Variants in SLC26A8 observed in about 807,000 individuals in gnomAD.
SLC26A8 encodes the protein solute carrier family 26 member 8.
A neutral mutation model predicts 105.0 loss-of-function variants in SLC26A8; 70 were observed. The observed-to-expected ratio is 0.67, with a 90% CI of 0.55 to 0.81. The LOEUF is 0.81. Ranked by LOEUF, SLC26A8 falls within the 40% of genes least tolerant of loss-of-function variation. SLC26A8 has a pLI of 0.00. For missense variants in SLC26A8, 998 were observed against 1,181.8 expected (o/e 0.84, Z 2.28); for synonymous variants, 415 against 438.3 (o/e 0.95, Z 0.66).
At chr6:36,020,414 C>G (rs1023346770) in intron 1 of SLC26A8, among the ~76,000 whole-genome samples, 1 of 152,130 alleles carries the variant, frequency 6.6e-6, no homozygotes, top group Non-Finnish European at 1.5e-5. Flanking sequence ...TATAGAAGTT[C>G]AAGACTAGAC....
chr6:35,992,315 C>G (rs931378351), intron 6 of SLC26A8, among the ~76,000 whole-genome samples, 195 bp downstream of exon 6: 5 of 152,164 alleles, frequency 3.3e-5, no homozygotes, highest in Non-Finnish European at 2.9e-5. Flanking sequence ...AAAGCATGGT[C>G]TAACTGGCAT....
intron 11 of SLC26A8, 112 bp from the exon 12 acceptor site, chr6:35,962,733 T>G: frequency 1.2e-6 from 1 of 853,120 alleles, no homozygotes; most frequent in Non-Finnish European, 1.9e-6. Context: ...TATTTTGCAT[T>G]GATATTTTAT....
chr6:36,021,970 A>G (rs1562080424), intron 1 of SLC26A8, among the ~76,000 whole-genome samples: 1 of 149,328 alleles, frequency 6.7e-6, no homozygotes, highest in Non-Finnish European at 1.5e-5. Context: ...CGCCCGGCCT[A>G]TTTTTTATTT....
At chr6:35,990,741 G>T (rs1247753506) in intron 7 of SLC26A8, among the ~76,000 whole-genome samples, 1 of 152,194 alleles carries the variant, frequency 6.6e-6, no homozygotes, top group Admixed American at 6.6e-5. Context: ...TCATATGTTT[G>T]TCTGAGAGAA....
chr6:35,966,240 C>G (rs1331734802), intron 11 of SLC26A8, among the ~76,000 whole-genome samples: 2 of 152,174 alleles, frequency 1.3e-5, no homozygotes, highest in Non-Finnish European at 2.9e-5. Context: ...GCAGAAATTA[C>G]TTCTTTCCCA....
At chr6:35,953,775 T>C (rs1278479016) in intron 17 of SLC26A8, among the ~76,000 whole-genome samples, 1 of 152,182 alleles carries the variant, frequency 6.6e-6, no homozygotes, top group East Asian at 1.9e-4. Flanking sequence ...GTAACTTGCC[T>C]CGGGTCAGAA....
intron 17 of SLC26A8, among the ~76,000 whole-genome samples, chr6:35,952,224 C>A (rs1562016768): frequency 6.6e-6 from 1 of 152,124 alleles, no homozygotes; most frequent in African/African-American, 2.4e-5. Context: ...ATGAGACCCC[C>A]ACTTCCCCCT....
In SLC26A8 at chr6:35,943,880, C is replaced by A. The variant is rs1581615589; in HGVS notation, c.*20G>T. 1 of 1,607,836 alleles carries A rather than the reference C, an allele frequency of 6.2e-7. No individual in the cohort carries two copies. The highest frequency in any genetic ancestry group is 1.1e-5 in the South Asian group (1 of 90,748). On this transcript the variant is annotated 3_prime_UTR_variant, in exon 20 of 20. Coordinates refer to ENST00000490799, the MANE Select transcript of SLC26A8 (RefSeq NM_052961.4). ...GAGGATTTGCCAGCATTATCTGACC[C>A]CTTATTTCTAGTTCATCTCCTAGAC...
At chr6:35,988,284 C>T (rs1262010933) in intron 7 of SLC26A8, among the ~76,000 whole-genome samples, 1 of 152,122 alleles carries the variant, frequency 6.6e-6, no homozygotes, top group Non-Finnish European at 1.5e-5. Flanking sequence ...ATATCTTTAT[C>T]ATGGTAAAAT....
intron 3 of SLC26A8, 142 bp downstream of exon 3, chr6:36,012,091 G>A (rs1761874896): frequency 8.4e-7 from 1 of 1,193,258 alleles, no homozygotes. Flanking sequence ...AAATCTGGCA[G>A]ATAAGGGAAC....
At chr6:35,955,097 G>T in intron 17 of SLC26A8, 55 bp downstream of exon 17, 2 of 1,608,166 alleles carry the variant, frequency 1.2e-6, no homozygotes, top group South Asian at 2.2e-5. Context: ...TCAGGGTGGG[G>T]TTGGGATGGT....
intron 9 of SLC26A8, 40 bp from the exon 10 acceptor site, chr6:35,975,528 T>C: frequency 7.8e-7 from 1 of 1,286,450 alleles, no homozygotes; most frequent in East Asian, 2.3e-5. Context: ...CCCGTTTTTG[T>C]TGAAGAATGC....
chr6:35,978,772 C>G (rs1773147315), intron 8 of SLC26A8, among the ~76,000 whole-genome samples: 1 of 151,516 alleles, frequency 6.6e-6, no homozygotes, highest in Non-Finnish European at 1.5e-5. Context: ...TTTAGCACCT[C>G]AAAGAGCTAA....
At chr6:35,968,766 G>A (rs1295894789) in intron 11 of SLC26A8, 111 bp downstream of exon 11, 1 of 335,406 alleles carries the variant, frequency 3.0e-6, no homozygotes, top group South Asian at 2.2e-5. Context: ...AATTCTCCTC[G>A]GAGATGCCCG....
intron 5 of SLC26A8, among the ~76,000 whole-genome samples, chr6:35,995,963 A>T (rs1298192206): frequency 6.6e-6 from 1 of 152,174 alleles, no homozygotes; most frequent in East Asian, 1.9e-4. Flanking sequence ...TGTTTTTTAA[A>T]TTTTTGGTCT....
Position 36,019,669 on chromosome 6 carries a change from G to A in SLC26A8, c.39C>T (p.Ser13=), listed in dbSNP as rs1318206871. The A allele has an allele frequency of 2.5e-6, 4 of 1,614,028 alleles. No individual in the cohort carries two copies. The highest frequency in any genetic ancestry group is 3.4e-6 in the Non-Finnish European group (4 of 1,179,930). The change falls in exon 2 of 20, where the codon AGC becomes AGT. Residue 13 remains serine (S), a synonymous_variant. Coordinates refer to ENST00000490799, the MANE Select transcript of SLC26A8 (RefSeq NM_052961.4). ...CGAATGAGTTTCGCCTGGACTTAGA[G>A]CTGAAGCCAGAGATGGCGCTCCTCT... The part of the protein sequence containing the change: ...QLERSAISGF[S]SKSRRNSFAY...
chr6:35,975,404 T>A lies in SLC26A8; in HGVS notation c.1258A>T (p.Ile420Phe). 1.2e-6 allele frequency: 2 copies of A among 1,612,580 alleles called. No individual in the cohort carries two copies. Among genetic ancestry groups the A allele is most frequent in the Non-Finnish European group, 1.7e-6 (2 of 1,178,970 alleles). ...VFTGAIARTI[I>F]QDKSGGRQQF... The stretch of plus-strand genomic sequence containing the variant: ...TGTCTTCCTCCAGATTTATCCTGGA[T>A]AATAGTCCTAGCAATAGCACCAGTA... Residue 420 changes from isoleucine to phenylalanine, a missense_variant, in exon 10 of 20, where the codon ATC becomes TTC. Transcript: ENST00000490799.
chr6:35,948,350 A>G (rs1368593898), intron 19 of SLC26A8, among the ~76,000 whole-genome samples: 1 of 152,168 alleles, frequency 6.6e-6, no homozygotes, highest in Non-Finnish European at 1.5e-5. Flanking sequence ...GCATTTTGGG[A>G]GGCTAAGGTG....
chr6:35,944,266 C>T lies in SLC26A8; in HGVS notation c.2547G>A (p.Lys849=). Residue 849 remains lysine (K), a synonymous_variant, in exon 20 of 20, where the codon AAG becomes AAA. Transcript: ENST00000490799. The part of the protein sequence containing the change: ...SQKNVSPGFI[K]IQQPVEEESE... ...ACTCCTCTTCTACAGGCTGTTGGAT[C>T]TTGATGAAGCCTGGACTTACATTTT... 2 of 1,614,122 alleles carry T rather than the reference C, an allele frequency of 1.2e-6. No homozygotes were observed. The highest frequency in any genetic ancestry group is 1.7e-6 in the Non-Finnish European group (2 of 1,180,022).
Sources: allele counts gnomAD v4.1 joint callset (sites outside exome capture counted in the v4.1 genomes callset), GRCh38; gene constraint gnomAD v4.1.1; transcripts MANE v1.5; gene names NCBI Gene and HGNC (gene_info 2026-07-23, HGNC 2026-07-21).